Variants in SVIL observed in about 807,000 individuals in gnomAD.
SVIL encodes the protein supervillin.
SVIL carries 101 observed loss-of-function variants against 240.4 expected under a neutral mutation model. The observed-to-expected ratio is 0.42, with a 90% CI of 0.36 to 0.50. The LOEUF is 0.50. SVIL is among the 20% of genes least tolerant of loss of function. The pLI, the probability that SVIL is intolerant of heterozygous loss-of-function variation, is 0.01. For missense variants in SVIL, 2,512 were observed against 2,818.7 expected (o/e 0.89, Z 2.46); for synonymous variants, 999 against 1,100.0 (o/e 0.91, Z 1.82).
At position 29,463,552 on chromosome 10, in the gene SVIL, G is replaced by A. The variant is rs375845823; in HGVS notation, c.6217C>T (p.Arg2073Cys). Residue 2073 changes from arginine (R) to cysteine (C), a missense_variant, in exon 35 of 38, where the codon CGC becomes TGC. Coordinates refer to ENST00000355867, the MANE Select transcript of SVIL (RefSeq NM_021738.3). Reference protein sequence around the residue: ...PIENKITGSARIRWASDRKSA... With the variant: ...PIENKITGSACIRWASDRKSA... ...TTCCGGTCGGAGGCCCAGCGGATGC[G>A]GGCGGAACCAGTGATCTTGTTCTCG... is the stretch of plus-strand genomic sequence containing the variant. 17 of 1,614,026 alleles carry A rather than the reference G, an allele frequency of 1.1e-5. No individual in the cohort carries two copies. The highest frequency in any genetic ancestry group is 3.3e-5 in the South Asian group (3 of 91,088).
chr10:29,487,032 C>T, intron 24 of SVIL, 131 bp downstream of exon 24: 2 of 1,138,410 alleles, frequency 1.8e-6, no homozygotes, highest in Non-Finnish European at 2.4e-6. Context: ...GAAAAGAAAT[C>T]CTACCTATCC....
intron 2 of SVIL, among the ~76,000 whole-genome samples, chr10:29,664,011 G>A (rs559728600): frequency 9.9e-5 from 15 of 152,274 alleles, no homozygotes; most frequent in Admixed American, 8.5e-4. Context: ...ATCTTCCTAC[G>A]GGACACGTTC....
intron 29 of SVIL, among the ~76,000 whole-genome samples, chr10:29,476,219 T>A (rs1946177748): frequency 6.6e-6 from 1 of 152,230 alleles, no homozygotes; most frequent in South Asian, 2.1e-4. Flanking sequence ...ATAGTGAACA[T>A]TTGTTGCACT....
chr10:29,649,334 G>A (rs975126092), intron 3 of SVIL, among the ~76,000 whole-genome samples: 1 of 152,120 alleles, frequency 6.6e-6, no homozygotes, highest in African/African-American at 2.4e-5. Flanking sequence ...AATGTTTTAT[G>A]AAAGTAATAC....
rs1396926165 is a variant in SVIL at position 29,536,140 on chromosome 10, ACTTAAAAC to A, written c.828-79_828-72del. On this transcript the variant is annotated intron_variant, in intron 6 of 37. Coordinates refer to ENST00000355867, the MANE Select transcript of SVIL (RefSeq NM_021738.3). ...CAACATATACACAGACTTTACCATA[ACTTAAAAC>A]CTAAAGGCTGATTTTTATTAAGAAT... 4.9e-6 allele frequency: 7 copies of A among 1,431,366 alleles called. No homozygotes were observed. The African/African-American group carries it at 7.1e-5, about 14-fold the overall frequency. The allele number at this position is 1,431,366 out of a possible 1,614,324, so 88.7% of individuals were successfully genotyped here.
chr10:29,486,256 C>G (rs376527575), intron 25 of SVIL, 26 bp from the exon 26 acceptor site: 11 of 1,612,164 alleles, frequency 6.8e-6, no homozygotes, highest in Non-Finnish European at 8.5e-6. Context: ...AACAGGAGAG[C>G]ATCACATTTT....
In SVIL at chr10:29,463,559, A is replaced by G. The variant is rs1944525274; in HGVS notation, c.6210T>C (p.Gly2070=). The G allele has an allele frequency of 1.2e-6, 2 of 1,613,868 alleles. No homozygotes were observed. The highest frequency in any genetic ancestry group is 1.7e-6 in the Non-Finnish European group (2 of 1,179,922). ...GWWPIENKIT[G]SARIRWASDR... ...CGGAGGCCCAGCGGATGCGGGCGGAACCAGTGATCTTGTTCTCGATGGGCC... is the reference window on the plus strand; with the variant it reads ...CGGAGGCCCAGCGGATGCGGGCGGAGCCAGTGATCTTGTTCTCGATGGGCC... The change falls in exon 35 of 38, where the codon GGT becomes GGC. Residue 2070 remains glycine, a synonymous_variant. Coordinates refer to ENST00000355867, the MANE Select transcript of SVIL (RefSeq NM_021738.3).
chr10:29,711,401 A>G (rs1001326295), intron 1 of SVIL, among the ~76,000 whole-genome samples: 1 of 147,916 alleles, frequency 6.8e-6, no homozygotes, highest in African/African-American at 2.5e-5. Flanking sequence ...CTACGTCTCA[A>G]TAAATAAATA....
intron 3 of SVIL, among the ~76,000 whole-genome samples, chr10:29,649,172 A>T (rs1463605707): frequency 6.6e-6 from 1 of 152,068 alleles, no homozygotes; most frequent in Non-Finnish European, 1.5e-5. Context: ...TAAATAAATA[A>T]AAGCAGGGTT....
intron 21 of SVIL, 118 bp downstream of exon 21, chr10:29,493,096 C>T (rs34163498): frequency 1.9e-5 from 23 of 1,231,958 alleles, no homozygotes; most frequent in Middle Eastern, 2.5e-4. Context: ...CTAACGCCGC[C>T]GTGATGGAGT....
At chr10:29,648,825 A>G (rs1159933278) in intron 3 of SVIL, among the ~76,000 whole-genome samples, 1 of 151,878 alleles carries the variant, frequency 6.6e-6, no homozygotes, top group Non-Finnish European at 1.5e-5. Context: ...GAAAAAAAAA[A>G]AAAGATTCTA....
chr10:29,536,663 A>T (rs1951762255), intron 6 of SVIL, among the ~76,000 whole-genome samples: 1 of 152,074 alleles, frequency 6.6e-6, no homozygotes, highest in South Asian at 2.1e-4. Flanking sequence ...TAATCCCAGC[A>T]CTTTGGGAGG....
intron 16 of SVIL, among the ~76,000 whole-genome samples, chr10:29,520,866 G>C (rs933870854): frequency 2.0e-5 from 3 of 150,112 alleles, no homozygotes; most frequent in African/African-American, 7.4e-5. Context: ...CAGTGAAGCT[G>C]TGACAGCACC....
Position 29,505,266 on chromosome 10 carries a change from C to T in SVIL, c.3517-6003G>A, listed in dbSNP as rs146774818. 4.9e-4 allele frequency among the ~76,000 whole-genome samples: 75 copies of T among 152,104 alleles called. No homozygotes were observed. In the East Asian group the frequency reaches 6.2e-3, roughly 13 times the overall value. On this transcript the variant is annotated intron_variant, in intron 17 of 37. Transcript: ENST00000355867. ...GCTTGAACCCGGGAGGTGGAGGTTG[C>T]GGTGAGCTAAGATTGCACCACTGCA...
At chr10:29,501,526 C>T (rs556454962) in intron 17 of SVIL, among the ~76,000 whole-genome samples, 5 of 151,988 alleles carry the variant, frequency 3.3e-5, no homozygotes, top group Non-Finnish European at 1.5e-5. Flanking sequence ...TCTGGTAAAG[C>T]GTATGAAAGT....
intron 29 of SVIL, among the ~76,000 whole-genome samples, chr10:29,479,490 C>T (rs557411467): frequency 6.6e-6 from 1 of 152,220 alleles, no homozygotes; most frequent in East Asian, 1.9e-4. Context: ...CACAGCCCGG[C>T]TCTGCACAGC....
At position 29,550,852 on chromosome 10, in the gene SVIL, T is replaced by A; in HGVS notation, c.572A>T (p.Asp191Val). ...ESKDYALHVG[D>V]GSSDPEVLLN... is the part of the protein sequence containing the mutation. ...CAGCACCTCCGGGTCGGAAGAGCCG[T>A]CACCCACATGGAGGGCATAGTCCTT... is the stretch of plus-strand genomic sequence containing the variant. The change falls in exon 6 of 38, where the codon GAC becomes GTC. Residue 191 changes from aspartate (D) to valine (V), a missense_variant. Asp to Val is a radical substitution (Grantham distance 152). Coordinates refer to ENST00000355867, the MANE Select transcript of SVIL (RefSeq NM_021738.3). The A allele has an allele frequency of 6.2e-7, 1 of 1,614,022 alleles. No individual in the cohort carries two copies.
intron 2 of SVIL, among the ~76,000 whole-genome samples, chr10:29,668,011 CT>C (rs1197081557): frequency 6.6e-6 from 1 of 152,144 alleles, no homozygotes; most frequent in Non-Finnish European, 1.5e-5. Context: ...CTACAAGGTT[CT>C]ACAAACCATG....
At chr10:29,503,002 GA>G (rs1436243111) in intron 17 of SVIL, among the ~76,000 whole-genome samples, 1 of 152,092 alleles carries the variant, frequency 6.6e-6, no homozygotes, top group Non-Finnish European at 1.5e-5. Flanking sequence ...GAGCTTTATC[GA>G]AATAAAATAT....
Sources: allele counts gnomAD v4.1 joint callset (sites outside exome capture counted in the v4.1 genomes callset), GRCh38; gene constraint gnomAD v4.1.1; transcripts MANE v1.5; gene names NCBI Gene and HGNC (gene_info 2026-07-23, HGNC 2026-07-21).